Variants in CYFIP1 observed in about 807,000 individuals in gnomAD.
The protein encoded by CYFIP1 is cytoplasmic FMR1-interacting protein 1.
A neutral mutation model predicts 163.5 loss-of-function variants in CYFIP1; 58 were observed. The ratio of observed to expected loss-of-function variants is 0.35; its 90% CI spans 0.29 to 0.44. The LOEUF is 0.44. CYFIP1 is among the 20% of genes least tolerant of loss of function. The pLI, the probability that CYFIP1 is intolerant of heterozygous loss-of-function variation, is 1.00. For synonymous variants in CYFIP1, 663 were observed against 660.7 expected (o/e 1.00, Z -0.05); for missense variants, 1,338 against 1,653.8 (o/e 0.81, Z 3.31).
chr15:22,951,630 C>CCCA, intron 1 of CYFIP1: 1 of 1,137,906 alleles, frequency 8.8e-7, no homozygotes, highest in South Asian at 1.4e-5. Context: ...CAGTCATGCC[C>CCCA]GGGCCCCACG....
intron 1 of CYFIP1, chr15:22,951,348 A>C: frequency 8.4e-7 from 1 of 1,189,564 alleles, no homozygotes; most frequent in Non-Finnish European, 1.1e-6. Context: ...CCTGTTCCAC[A>C]CACCTCAGAA....
rs1304151993 is a variant in CYFIP1, at chr15:22,867,718, TGAA to T, written c.*2307_*2309del. Reference sequence around the variant, plus strand: ...CTCATGTTATAATAAAAAGTTGAAATGAAGTTCTTATTCTAAAAGTCTGAATGC... The same window carrying T: ...CTCATGTTATAATAAAAAGTTGAAATGTTCTTATTCTAAAAGTCTGAATGC... On this transcript the variant is annotated 3_prime_UTR_variant, in exon 31 of 31. Transcript: ENST00000617928. The T allele has an allele frequency of 6.6e-6, 1 of 152,158 alleles. No individual in the cohort carries two copies. The highest frequency in any genetic ancestry group is 2.4e-5 in the African/African-American group (1 of 41,418). The allele number at this position is 152,158 out of a possible 1,614,324, so 9.4% of individuals were successfully genotyped here. A position where few individuals can be genotyped will look rare whatever the true frequency, so the allele number is the denominator to read the frequency against.
rs189859357 is a variant in CYFIP1 at position 22,957,430 on chromosome 15, A to G, written c.-6-10139T>C. 3.3e-3 allele frequency among the ~76,000 whole-genome samples: 506 copies of G among 152,258 alleles called. 6 individuals are homozygous for G. The highest frequency in any genetic ancestry group is 4.8e-3 in the Non-Finnish European group (329 of 68,016). ...GGCAGGTGGATCACGAGGTCAGGAG[A>G]TCAAGACCATCCTAGCTAACACGGT... is the stretch of plus-strand genomic sequence containing the variant. On this transcript the variant is annotated intron_variant, in intron 1 of 30. Coordinates refer to ENST00000617928, the MANE Select transcript of CYFIP1 (RefSeq NM_014608.6).
At position 22,934,177 on chromosome 15, in the gene CYFIP1, C is replaced by CTTTTTTTTTT. The variant is rs1163626431; in HGVS notation, c.901-294_901-285dup. Among the ~76,000 whole-genome samples, 62 of 66,160 alleles carry CTTTTTTTTTT rather than the reference C, an allele frequency of 9.4e-4. 3 individuals carry two copies. Among genetic ancestry groups the CTTTTTTTTTT allele is most frequent in the East Asian group, 1.6e-3 (3 of 1,856 alleles). The allele number at this position is 66,160 out of a possible 152,430, so 43.4% of individuals were successfully genotyped here. ...AAAAAAAAAATCACTGCATTTCTTT[C>CTTTTTTTTTT]TTTTTTTTTTTTTTTTTTTTTTTTT... On this transcript the variant is annotated intron_variant, in intron 9 of 30. Coordinates refer to ENST00000617928, the MANE Select transcript of CYFIP1 (RefSeq NM_014608.6).
At chr15:22,901,478 G>A (rs749319039) in intron 22 of CYFIP1, among the ~76,000 whole-genome samples, 1 of 152,196 alleles carries the variant, frequency 6.6e-6, no homozygotes, top group African/African-American at 2.4e-5. Flanking sequence ...GCCGCCTTGG[G>A]CTCCAGGTGC....
chr15:22,880,287 A>T (rs921435892), intron 25 of CYFIP1, among the ~76,000 whole-genome samples: 1 of 152,186 alleles, frequency 6.6e-6, no homozygotes, highest in African/African-American at 2.4e-5. Flanking sequence ...ACTCAACCTC[A>T]TATCTTTAGG....
At chr15:22,892,693 T>C (rs933714837) in intron 23 of CYFIP1, among the ~76,000 whole-genome samples, 197 bp downstream of exon 23, 3 of 152,182 alleles carry the variant, frequency 2.0e-5, no homozygotes, top group Non-Finnish European at 2.9e-5. Flanking sequence ...ATAAGCACTG[T>C]TTTGGGTTGG....
At chr15:22,875,496 G>C in intron 26 of CYFIP1, 1 of 536,900 alleles carries the variant, frequency 1.9e-6, no homozygotes, top group Non-Finnish European at 3.3e-6. Flanking sequence ...AATGTGGCTT[G>C]GCACTTGAGG....
chr15:22,966,314 G>T (rs955560686), intron 1 of CYFIP1, among the ~76,000 whole-genome samples: 1 of 151,454 alleles, frequency 6.6e-6, no homozygotes, highest in African/African-American at 2.4e-5. Context: ...CAGAGGTTGC[G>T]GTGGGCCCAG....
intron 3 of CYFIP1, among the ~76,000 whole-genome samples, chr15:22,945,926 C>T (rs117062858): frequency 0.05 from 7,542 of 152,144 alleles, 299 homozygotes; most frequent in South Asian, 0.15. Context: ...GAAGTCAATG[C>T]GCAAAAATAG....
intron 22 of CYFIP1, among the ~76,000 whole-genome samples, chr15:22,894,156 C>A (rs1223953602): frequency 6.6e-6 from 1 of 152,094 alleles, no homozygotes; most frequent in Non-Finnish European, 1.5e-5. Flanking sequence ...CGTCAGCCTC[C>A]GTCCACCTAC....
chr15:22,870,107 G>T lies in CYFIP1; in HGVS notation c.3683C>A (p.Ser1228Ter). The T allele has an allele frequency of 1.2e-6, 2 of 1,613,140 alleles. No homozygotes were observed. Among genetic ancestry groups the T allele is most frequent in the Non-Finnish European group, 1.7e-6 (2 of 1,179,664 alleles). Reference protein sequence around the residue: ...IITILDKYLKSGDGEGTPVEH... With the variant: ...IITILDKYLK Reference sequence around the variant, plus strand: ...CACTGGCGTGCCCTCCCCGTCGCCTGACTTCAGGTACTTATCCAGGATGGT... The same window carrying T: ...CACTGGCGTGCCCTCCCCGTCGCCTTACTTCAGGTACTTATCCAGGATGGT... The change falls in exon 31 of 31, where the codon TCA (serine) becomes TAA (stop). Residue 1228 changes from serine to a stop codon, truncating the protein, a stop_gained. Transcript: ENST00000617928. LOFTEE classifies it high-confidence loss of function.
chr15:22,945,000 C>T, intron 3 of CYFIP1, 61 bp from the exon 4 acceptor site: 1 of 1,449,400 alleles, frequency 6.9e-7, no homozygotes, highest in Non-Finnish European at 9.7e-7. Context: ...AAAGCAGATG[C>T]CAGTTGCTAA....
chr15:22,888,725 C>T (rs911216131), intron 23 of CYFIP1, among the ~76,000 whole-genome samples: 2 of 135,708 alleles, frequency 1.5e-5, no homozygotes, highest in African/African-American at 2.6e-5. Context: ...AAAGCAAAAA[C>T]CCTGTCTCAA....
At chr15:22,894,879 T>TATATA in intron 22 of CYFIP1, among the ~76,000 whole-genome samples, 1 of 103,602 alleles carries the variant, frequency 9.7e-6, no homozygotes, top group South Asian at 2.8e-4. Context: ...ATATATATAT[T>TATATA]TTTTTTTTTT....
At chr15:22,891,368 T>C (rs1002547532) in intron 23 of CYFIP1, among the ~76,000 whole-genome samples, 3 of 152,122 alleles carry the variant, frequency 2.0e-5, no homozygotes, top group Non-Finnish European at 1.5e-5. Context: ...GAGGCTGCAG[T>C]GAGCCGAGAT....
intron 9 of CYFIP1, among the ~76,000 whole-genome samples, chr15:22,934,930 C>T (rs2061667916): frequency 1.3e-5 from 2 of 152,096 alleles, no homozygotes; most frequent in Admixed American, 1.3e-4. Context: ...AAAAGTACTA[C>T]CCCGAAAATT....
At chr15:22,930,605 T>C (rs1380414186) in intron 11 of CYFIP1, among the ~76,000 whole-genome samples, 1 of 151,988 alleles carries the variant, frequency 6.6e-6, no homozygotes, top group Non-Finnish European at 1.5e-5. Flanking sequence ...AGGCCTAGGC[T>C]AATGTGTGTG....
chr15:22,909,992 C>T (rs958537784), intron 20 of CYFIP1, among the ~76,000 whole-genome samples: 2 of 151,250 alleles, frequency 1.3e-5, no homozygotes, highest in African/African-American at 4.9e-5. Flanking sequence ...TATGCCTGCC[C>T]CCAGGAGCCG....
Sources: gnomAD v4.1 joint callset for allele counts (sites outside exome capture counted in the v4.1 genomes callset) on GRCh38, gnomAD v4.1.1 for gene constraint, MANE v1.5 for transcripts, NCBI Gene and HGNC (gene_info 2026-07-23, HGNC 2026-07-21) for gene names.